The following VWA3B variants were observed in gnomAD, a reference collection of about 807,000 sequenced individuals.
The protein encoded by VWA3B is von Willebrand factor A domain-containing protein 3B.
A neutral mutation model predicts 158.3 loss-of-function variants in VWA3B; 138 were observed. That is an observed-to-expected ratio of 0.87 (90% CI 0.76 to 1.00). The LOEUF (loss-of-function observed/expected upper bound fraction) is 1.00. Ranked by LOEUF, VWA3B falls within the 50% of genes least tolerant of loss-of-function variation. VWA3B has a pLI of 0.00. For missense variants in VWA3B, 1,555 were observed against 1,565.1 expected, an observed-to-expected ratio of 0.99 and a Z score of 0.11; for synonymous variants, 596 against 587.3, an observed-to-expected ratio of 1.01 and a Z score of -0.21.
At position 98,302,309 on chromosome 2, in the gene VWA3B, G is replaced by T. The variant is rs554343146; in HGVS notation, c.3421-1393G>T. Among the ~76,000 whole-genome samples, 11 of 152,270 alleles carry T rather than the reference G, an allele frequency of 7.2e-5. No homozygotes were observed. The East Asian group carries it at 1.9e-3, about 27-fold the overall frequency. Reference sequence around the variant, plus strand: ...CCACTACACTGCACTTGCCAAACTGGCTTCCTCACCAACCTCTCAATCCTT... The same window carrying T: ...CCACTACACTGCACTTGCCAAACTGTCTTCCTCACCAACCTCTCAATCCTT... On this transcript the variant is annotated intron_variant, in intron 25 of 27. Coordinates refer to ENST00000477737, the MANE Select transcript of VWA3B (RefSeq NM_144992.5).
At chr2:98,227,307 A>G (rs1684995045) in intron 14 of VWA3B, among the ~76,000 whole-genome samples, 1 of 152,178 alleles carries the variant, frequency 6.6e-6, no homozygotes, top group South Asian at 2.1e-4. Flanking sequence ...TGCTATAAAG[A>G]GAATAAAATG....
intron 13 of VWA3B, among the ~76,000 whole-genome samples, chr2:98,213,918 G>A (rs1683754315): frequency 2.0e-5 from 3 of 152,078 alleles, no homozygotes; most frequent in Admixed American, 6.6e-5. Flanking sequence ...TGGTTGGGTG[G>A]GGAGGCCCAC....
At chr2:98,280,145 C>A (rs954325814) in intron 22 of VWA3B, among the ~76,000 whole-genome samples, 2 of 152,146 alleles carry the variant, frequency 1.3e-5, no homozygotes, top group African/African-American at 4.8e-5. Context: ...TTGGTGATTT[C>A]CAGATATAAA....
At chr2:98,129,207 GA>G (rs1675630095) in intron 6 of VWA3B, among the ~76,000 whole-genome samples, 2 of 44,194 alleles carry the variant, frequency 4.5e-5, no homozygotes, top group African/African-American at 5.9e-4. Context: ...AGAGAGAGAG[GA>G]GAGAGAGAGA....
chr2:98,257,511 T>G (rs572210266), intron 21 of VWA3B, among the ~76,000 whole-genome samples: 4 of 152,022 alleles, frequency 2.6e-5, no homozygotes, highest in Non-Finnish European at 5.9e-5. Flanking sequence ...TGGTAGGTTC[T>G]CATTGCTCCA....
chr2:98,207,613 G>A, intron 12 of VWA3B: 1 of 484,012 alleles, frequency 2.1e-6, no homozygotes, highest in East Asian at 5.4e-5. Context: ...GACCATTAAA[G>A]GATTTCAGCA....
chr2:98,156,939 G>T (rs1324321689), intron 7 of VWA3B, among the ~76,000 whole-genome samples: 1 of 152,100 alleles, frequency 6.6e-6, no homozygotes, highest in African/African-American at 2.4e-5. Flanking sequence ...CACCAAGTTT[G>T]GGGGAGCACC....
intron 26 of VWA3B, among the ~76,000 whole-genome samples, chr2:98,307,211 T>C (rs2106010975): frequency 6.6e-6 from 1 of 152,358 alleles, no homozygotes; most frequent in East Asian, 1.9e-4. Flanking sequence ...ATTTTTATAC[T>C]TTCTGCAGAA....
At chr2:98,127,908 GTCCT>G (rs1675509046) in intron 5 of VWA3B, among the ~76,000 whole-genome samples, 1 of 152,210 alleles carries the variant, frequency 6.6e-6, no homozygotes, top group Non-Finnish European at 1.5e-5. Flanking sequence ...GGCTGTGCCA[GTCCT>G]TCCTTCATTG....
chr2:98,112,840 AT>A (rs1322945613), intron 2 of VWA3B, among the ~76,000 whole-genome samples: 3 of 150,796 alleles, frequency 2.0e-5, no homozygotes, highest in Non-Finnish European at 3.0e-5. Flanking sequence ...TTTTGTCAAT[AT>A]TTTTTTTCTC....
chr2:98,293,285 G>T (rs1274043460), intron 23 of VWA3B, among the ~76,000 whole-genome samples: 1 of 152,182 alleles, frequency 6.6e-6, no homozygotes, highest in Non-Finnish European at 1.5e-5. Flanking sequence ...TTAATTTGCA[G>T]TGTAATTAAA....
At chr2:98,318,410 G>A in the VWA3B span, among the ~76,000 whole-genome samples, 1 of 152,124 alleles carries the variant, frequency 6.6e-6, no homozygotes, top group Non-Finnish European at 1.5e-5. Context: ...ATGAGATAAT[G>A]TCCTTTACAG....
intron 2 of VWA3B, among the ~76,000 whole-genome samples, chr2:98,112,878 C>CT (rs1201017337): frequency 6.6e-6 from 1 of 151,816 alleles, no homozygotes; most frequent in African/African-American, 2.4e-5. Flanking sequence ...AGTAATTTCT[C>CT]TTGACAGATT....
intron 21 of VWA3B, among the ~76,000 whole-genome samples, chr2:98,266,146 T>TA (rs1687811846): frequency 6.7e-6 from 1 of 149,956 alleles, no homozygotes; most frequent in Admixed American, 6.6e-5. Context: ...TGGTAATGCC[T>TA]AGGTTTTCTT....
chr2:98,268,358 C>T (rs1687983764), intron 21 of VWA3B, among the ~76,000 whole-genome samples: 2 of 152,128 alleles, frequency 1.3e-5, no homozygotes, highest in Admixed American at 6.5e-5. Flanking sequence ...AAGTGGGCTT[C>T]AACCCTGGGA....
chr2:98,098,892 T>TA (rs1320431981), intron 2 of VWA3B, among the ~76,000 whole-genome samples: 2 of 152,138 alleles, frequency 1.3e-5, no homozygotes, highest in African/African-American at 4.8e-5. Context: ...GCTTTGTGAT[T>TA]ACCGCAAGGC....
intron 7 of VWA3B, among the ~76,000 whole-genome samples, chr2:98,150,385 T>C (rs986593293): frequency 6.6e-6 from 1 of 152,210 alleles, no homozygotes; most frequent in Non-Finnish European, 1.5e-5. Flanking sequence ...GTGCATTACA[T>C]TTTACGTTTT....
At chr2:98,286,949 G>GGAGA (rs140437943) in intron 22 of VWA3B, among the ~76,000 whole-genome samples, 1 of 151,584 alleles carries the variant, frequency 6.6e-6, no homozygotes, top group South Asian at 2.1e-4. Context: ...AGAGCGAAAG[G>GGAGA]GAGAGAGAGA....
Position 98,297,972 on chromosome 2 carries a change from G to T in VWA3B, c.3223G>T (p.Val1075Phe), listed in dbSNP as rs774933308. The change falls in exon 24 of 28, where the codon GTC (valine) becomes TTC (phenylalanine). Residue 1075 changes from valine (V) to phenylalanine (F), a missense_variant. Val to Phe is a conservative substitution (Grantham distance 50, BLOSUM62 -1). Coordinates refer to ENST00000477737, the MANE Select transcript of VWA3B (RefSeq NM_144992.5). ...LVGFSYGDTKVVSTSFITPVG... is the reference protein window; with the variant it reads ...LVGFSYGDTKFVSTSFITPVG... ...GGGCTTCAGTTACGGAGACACCAAG[G>T]TCGTGTCCACCTCCTTCATCACGCC... The T allele has an allele frequency of 1.9e-6, 3 of 1,588,960 alleles. No individual in the cohort carries two copies. The highest frequency in any genetic ancestry group is 1.1e-5 in the South Asian group (1 of 87,416).
Sources: gnomAD v4.1 joint callset for allele counts (sites outside exome capture counted in the v4.1 genomes callset) on GRCh38, gnomAD v4.1.1 for gene constraint, MANE v1.5 for transcripts, NCBI Gene and HGNC (gene_info 2026-07-23, HGNC 2026-07-21) for gene names.